The following IMMP1L variants were observed in gnomAD, a reference collection of about 807,000 sequenced individuals.
IMMP1L encodes the protein inner mitochondrial membrane peptidase subunit 1, also known as mitochondrial inner membrane protease subunit 1.
In IMMP1L, 24 loss-of-function variants were observed where a neutral mutation model predicts 21.8. The ratio of observed to expected loss-of-function variants is 1.10; its 90% CI spans 0.80 to 1.55. The LOEUF is 1.55. IMMP1L is among the 40% of genes most tolerant of loss of function. The probability of loss-of-function intolerance (pLI) is 0.00; values close to 1 mark genes in which losing one functional copy is unlikely to be tolerated. For synonymous variants in IMMP1L, 46 were observed against 62.8 expected (o/e 0.73, Z 1.26); for missense variants, 195 against 200.7 (o/e 0.97, Z 0.17).
At chr11:31,478,147 GA>G (rs1564997206) in intron 1 of IMMP1L, among the ~76,000 whole-genome samples, 1 of 152,208 alleles carries the variant, frequency 6.6e-6, no homozygotes, top group Non-Finnish European at 1.5e-5. Context: ...CACAGCAAGT[GA>G]ATGATATCAG....
At chr11:31,434,488 A>C (rs1448212585) in intron 4 of IMMP1L, among the ~76,000 whole-genome samples, 1 of 152,154 alleles carries the variant, frequency 6.6e-6, no homozygotes, top group East Asian at 1.9e-4. Flanking sequence ...CCAGACCAAA[A>C]TGATCTATGT....
intron 1 of IMMP1L, among the ~76,000 whole-genome samples, chr11:31,501,054 TATC>T (rs1955603257): frequency 6.6e-6 from 1 of 152,234 alleles, no homozygotes; most frequent in African/African-American, 2.4e-5. Context: ...TCCTCTGTCA[TATC>T]AGTCACATTT....
intron 1 of IMMP1L, among the ~76,000 whole-genome samples, chr11:31,467,852 C>T (rs183159681): frequency 2.9e-3 from 433 of 148,442 alleles, no homozygotes; most frequent in Middle Eastern, 0.01. Flanking sequence ...ACTAACTTAA[C>T]ACAATGACCA....
rs1955550097 is a variant in IMMP1L, at chr11:31,499,456, G to A, written c.-30+10063C>T. Among the ~76,000 whole-genome samples, 3 of 152,230 alleles carry A rather than the reference G, an allele frequency of 2.0e-5. No homozygotes were observed. The South Asian group carries it at 6.2e-4, about 32-fold the overall frequency. On this transcript the variant is annotated intron_variant, in intron 1 of 5. Coordinates refer to ENST00000532287, the MANE Select transcript of IMMP1L (RefSeq NM_001304274.2). ...TAAATAGAAATAAATGCTGAGAAAA[G>A]GAGTGAAAGGCACACTAGAGATTTT...
In IMMP1L at chr11:31,434,094, C is replaced by G. The variant is rs140535947; in HGVS notation, c.322-524G>C. Among the ~76,000 whole-genome samples the G allele has an allele frequency of 5.7e-3, 872 of 152,246 alleles. 6 individuals are homozygous for G. The highest frequency in any genetic ancestry group is 0.02 in the African/African-American group (833 of 41,538). Reference sequence around the variant, plus strand: ...TTATTGGAGTAGGCTTGTCAGAATTCTAATTAACATCCCTGTTCTGCCTTT... The same window carrying G: ...TTATTGGAGTAGGCTTGTCAGAATTGTAATTAACATCCCTGTTCTGCCTTT... On this transcript the variant is annotated intron_variant, in intron 4 of 5. Coordinates refer to ENST00000532287, the MANE Select transcript of IMMP1L (RefSeq NM_001304274.2).
chr11:31,473,066 T>C (rs1205360408), intron 1 of IMMP1L, among the ~76,000 whole-genome samples: 2 of 151,818 alleles, frequency 1.3e-5, no homozygotes, highest in South Asian at 2.1e-4. Context: ...GTTTGTTTTT[T>C]TGAGACGGAG....
chr11:31,451,676 T>C (rs1396083798), intron 4 of IMMP1L, among the ~76,000 whole-genome samples: 2 of 152,108 alleles, frequency 1.3e-5, no homozygotes, highest in Non-Finnish European at 2.9e-5. Context: ...GTGAAGATAT[T>C]AGACAATTAG....
chr11:31,483,071 G>A (rs573874096), intron 1 of IMMP1L, among the ~76,000 whole-genome samples: 2 of 151,844 alleles, frequency 1.3e-5, no homozygotes, highest in African/African-American at 2.4e-5. Flanking sequence ...AAATGATACT[G>A]TATAATTTTC....
At chr11:31,452,383 G>T (rs185865884) in intron 4 of IMMP1L, 1 of 985,226 alleles carries the variant, frequency 1.0e-6, no homozygotes, top group African/African-American at 1.7e-5. Flanking sequence ...GTGTATTTCT[G>T]AGCCCTGGCC....
At chr11:31,483,353 G>T (rs1261026472) in intron 1 of IMMP1L, among the ~76,000 whole-genome samples, 1 of 152,044 alleles carries the variant, frequency 6.6e-6, no homozygotes, top group African/African-American at 2.4e-5. Context: ...ATACACAGAT[G>T]TATAAAGATA....
At chr11:31,474,780 G>A (rs974207658) in intron 1 of IMMP1L, among the ~76,000 whole-genome samples, 2 of 152,166 alleles carry the variant, frequency 1.3e-5, no homozygotes, top group African/African-American at 4.8e-5. Context: ...AGTGAATACT[G>A]CTTCAAATTT....
intron 2 of IMMP1L, among the ~76,000 whole-genome samples, chr11:31,462,460 T>A (rs1156706741): frequency 1.3e-5 from 2 of 151,834 alleles, no homozygotes; most frequent in African/African-American, 4.8e-5. Context: ...TAAAAAAAAT[T>A]GACTGGCTGG....
chr11:31,447,944 T>C (rs1390584512), intron 4 of IMMP1L, among the ~76,000 whole-genome samples: 2 of 152,214 alleles, frequency 1.3e-5, no homozygotes, highest in African/African-American at 4.8e-5. Flanking sequence ...CTTCATTTAC[T>C]TGCTTATTCC....
intron 1 of IMMP1L, chr11:31,473,839 A>C: frequency 1.8e-6 from 1 of 546,620 alleles, no homozygotes; most frequent in South Asian, 8.0e-5. Context: ...ATATATATAC[A>C]CATTATACAA....
chr11:31,452,126 T>C, intron 4 of IMMP1L: 2 of 686,342 alleles, frequency 2.9e-6, no homozygotes, highest in Non-Finnish European at 3.6e-6. Flanking sequence ...GAAAAAATAA[T>C]ATGAAGCTCA....
intron 1 of IMMP1L, among the ~76,000 whole-genome samples, chr11:31,465,769 C>T (rs1024883607): frequency 6.6e-6 from 1 of 152,010 alleles, no homozygotes; most frequent in Non-Finnish European, 1.5e-5. Flanking sequence ...GTCCCCATAT[C>T]TCTAACCATA....
chr11:31,506,301 T>C (rs2133843349), intron 1 of IMMP1L, among the ~76,000 whole-genome samples: 1 of 144,736 alleles, frequency 6.9e-6, no homozygotes, highest in South Asian at 2.2e-4. Context: ...CAATCTCGGC[T>C]CACTGCAAGC....
chr11:31,455,788 T>G (rs1953918485), intron 4 of IMMP1L, among the ~76,000 whole-genome samples: 1 of 152,088 alleles, frequency 6.6e-6, no homozygotes, highest in African/African-American at 2.4e-5. Context: ...TTCTCATGAG[T>G]AGATTGAGGT....
At chr11:31,504,405 C>G (rs983142131) in intron 1 of IMMP1L, among the ~76,000 whole-genome samples, 1 of 152,152 alleles carries the variant, frequency 6.6e-6, no homozygotes, top group South Asian at 2.1e-4. Context: ...CATGGATAGA[C>G]CCTTTCACAA....
Sources: gnomAD v4.1 joint callset for allele counts (sites outside exome capture counted in the v4.1 genomes callset) on GRCh38, gnomAD v4.1.1 for gene constraint, MANE v1.5 for transcripts, NCBI Gene and HGNC (gene_info 2026-07-23, HGNC 2026-07-21) for gene names.